Variants in PYGB observed in about 807,000 individuals in gnomAD.
PYGB encodes the protein glycogen phosphorylase, brain form.
In PYGB, 82 loss-of-function variants were observed where a neutral mutation model predicts 94.3. That is an observed-to-expected ratio of 0.87 (90% CI 0.73 to 1.04). The LOEUF is 1.04. Among genes scored for constraint, PYGB ranks in the 50% least tolerant of loss-of-function variants. The pLI is 0.00. For missense variants in PYGB, 1,132 were observed against 1,158.2 expected (o/e 0.98, Z 0.33); for synonymous variants, 488 against 479.1 (o/e 1.02, Z -0.24).
At chr20:25,259,613 C>G (rs566262020) in intron 2 of PYGB, among the ~76,000 whole-genome samples, 1 of 152,288 alleles carries the variant, frequency 6.6e-6, no homozygotes, top group African/African-American at 2.4e-5. Flanking sequence ...CACCCCACCC[C>G]ACCTCCGGGG....
In PYGB at chr20:25,254,791, G is replaced by A. The variant is rs112961129; in HGVS notation, c.244-4446G>A. Among the ~76,000 whole-genome samples, 559 of 152,316 alleles carry A rather than the reference G, an allele frequency of 3.7e-3. 5 individuals carry two copies. The highest frequency in any genetic ancestry group is 0.01 in the Middle Eastern group (3 of 294). On this transcript the variant is annotated intron_variant, in intron 1 of 19. Coordinates refer to ENST00000216962, the MANE Select transcript of PYGB (RefSeq NM_002862.4). Reference sequence around the variant, plus strand: ...CGCTTTCTGGCTCTGGATTAGTACTGAATAGACTTTTTGTGGAGCTTAATT... The same window carrying A: ...CGCTTTCTGGCTCTGGATTAGTACTAAATAGACTTTTTGTGGAGCTTAATT...
chr20:25,259,130 A>C (rs1419725965), intron 1 of PYGB, 107 bp from the exon 2 acceptor site: 2 of 1,017,442 alleles, frequency 2.0e-6, no homozygotes, highest in African/African-American at 3.2e-5. Context: ...GGTTGACATA[A>C]ATGAAATCCC....
Position 25,290,403 on chromosome 20 carries a change from G to A in PYGB, c.1828-78G>A. The A allele has an allele frequency of 1.9e-6, 3 of 1,544,642 alleles. No individual in the cohort carries two copies. The South Asian group carries it at 3.4e-5, about 18-fold the overall frequency. On this transcript the variant is annotated intron_variant, in intron 15 of 19. Transcript: ENST00000216962. The stretch of plus-strand genomic sequence containing the variant: ...GTGGCTCTAGCCTCACCCCCCTACA[G>A]ACCCCAGGAACCAGGAGCGCCTCCA...
rs899903659 is a variant in PYGB, at chr20:25,279,957, G to A, written c.1093-309G>A. On this transcript the variant is annotated intron_variant, in intron 9 of 19. Coordinates refer to ENST00000216962, the MANE Select transcript of PYGB (RefSeq NM_002862.4). Reference sequence around the variant, plus strand: ...TAGAAAACTGCTCAATGGTCTGTCCGTTTACCAGTGACGGCAGAGTGTGAA... The same window carrying A: ...TAGAAAACTGCTCAATGGTCTGTCCATTTACCAGTGACGGCAGAGTGTGAA... Among the ~76,000 whole-genome samples the A allele has an allele frequency of 8.5e-5, 13 of 152,338 alleles. No homozygotes were observed. In the East Asian group the frequency reaches 1.2e-3, roughly 14 times the overall value.
chr20:25,255,023 C>T (rs532757162), intron 1 of PYGB, among the ~76,000 whole-genome samples: 1 of 152,208 alleles, frequency 6.6e-6, no homozygotes, highest in African/African-American at 2.4e-5. Context: ...CCACGATCCA[C>T]GTTGAGAAGC....
chr20:25,261,681 C>T (rs758351018), intron 2 of PYGB, among the ~76,000 whole-genome samples: 1 of 152,114 alleles, frequency 6.6e-6, no homozygotes, highest in Non-Finnish European at 1.5e-5. Flanking sequence ...CAAACTTCTC[C>T]GAGCTAAAGG....
At chr20:25,291,375 C>T (rs1009920365) in intron 16 of PYGB, among the ~76,000 whole-genome samples, 1 of 151,906 alleles carries the variant, frequency 6.6e-6, no homozygotes, top group Non-Finnish European at 1.5e-5. Context: ...CTCCTGCCGC[C>T]GAGGGCCAAG....
At position 25,274,724 on chromosome 20, in the gene PYGB, G is replaced by T. The variant is rs1249577182; in HGVS notation, c.660+1G>T. 1.2e-6 allele frequency: 2 copies of T among 1,611,908 alleles called. No homozygotes were observed. The highest frequency in any genetic ancestry group is 1.1e-5 in the South Asian group (1 of 90,996). ...CGGCGTGAAGTGGCTGGACACACAG[G>T]TACCTGGGCTGAAATGTCTGCGGGC... On this transcript the variant is annotated splice_donor_variant, in intron 5 of 19. Transcript: ENST00000216962. LOFTEE classifies it high-confidence loss of function.
intron 2 of PYGB, among the ~76,000 whole-genome samples, chr20:25,262,972 C>G: frequency 6.6e-6 from 1 of 152,134 alleles, no homozygotes; most frequent in East Asian, 1.9e-4. Context: ...AAAGCAAGTC[C>G]TTAGAGACCT....
chr20:25,294,662 G>A lies in PYGB; in HGVS notation c.2312+370G>A. On this transcript the variant is annotated intron_variant, in intron 18 of 19. Coordinates refer to ENST00000216962, the MANE Select transcript of PYGB (RefSeq NM_002862.4). ...AAAACTCCCTGGGGTGGGGTAGGGGGCGCACAAGGGCTGCGGAACCGCGGC... is the reference window on the plus strand; with the variant it reads ...AAAACTCCCTGGGGTGGGGTAGGGGACGCACAAGGGCTGCGGAACCGCGGC... The A allele has an allele frequency of 5.3e-6, 3 of 569,016 alleles. No individual in the cohort carries two copies. The South Asian group carries it at 5.8e-5, about 11-fold the overall frequency. The allele number at this position is 569,016 out of a possible 1,614,324, so 35.2% of individuals were successfully genotyped here.
intron 4 of PYGB, 94 bp from the exon 5 acceptor site, chr20:25,274,498 T>C (rs73101785): frequency 4.9e-5 from 73 of 1,482,608 alleles, no homozygotes; most frequent in Non-Finnish European, 6.5e-5. Flanking sequence ...CCAGGCACTG[T>C]GTGATCTCGA....
intron 15 of PYGB, 128 bp downstream of exon 15, chr20:25,288,611 C>T: frequency 9.1e-7 from 1 of 1,097,086 alleles, no homozygotes; most frequent in Non-Finnish European, 1.3e-6. Flanking sequence ...GTCACCGGCC[C>T]CTCTGGTATG....
chr20:25,289,688 G>A (rs969326094), intron 15 of PYGB, among the ~76,000 whole-genome samples: 2 of 152,068 alleles, frequency 1.3e-5, no homozygotes, highest in African/African-American at 2.4e-5. Context: ...TGAACCTGGA[G>A]AAAAGCAGGA....
chr20:25,278,993 C>A, intron 8 of PYGB, 64 bp from the exon 9 acceptor site: 1 of 1,500,646 alleles, frequency 6.7e-7, no homozygotes, highest in Admixed American at 1.9e-5. Context: ...GCTTCGTATG[C>A]CAACAACCGT....
chr20:25,258,672 G>C (rs779703081), intron 1 of PYGB, among the ~76,000 whole-genome samples: 2 of 152,240 alleles, frequency 1.3e-5, no homozygotes, highest in Non-Finnish European at 2.9e-5. Flanking sequence ...TGGCTCATGT[G>C]GCAACCCCAA....
At chr20:25,294,096 T>A in intron 17 of PYGB, 62 bp from the exon 18 acceptor site, 2 of 1,588,592 alleles carry the variant, frequency 1.3e-6, no homozygotes, top group South Asian at 1.1e-5. Context: ...CCAACATGGC[T>A]TGTTCTCCAA....
In PYGB at chr20:25,276,703, A is replaced by G; in HGVS notation, c.718A>G (p.Asn240Asp). The change falls in exon 6 of 20, where the codon AAC becomes GAC. Residue 240 changes from asparagine (N) to aspartate (D), a missense_variant. Asn to Asp is a conservative substitution (Grantham distance 23). Transcript: ENST00000216962. ...GCCCGGCTACAAGAACAACACCGTC[A>G]ACACCATGCGGCTGTGGTCCGCCAA... ...PVPGYKNNTV[N>D]TMRLWSAKAP... 1 of 1,614,018 alleles carries G rather than the reference A, an allele frequency of 6.2e-7. No individual in the cohort carries two copies. Among genetic ancestry groups the G allele is most frequent in the Non-Finnish European group, 8.5e-7 (1 of 1,179,916 alleles).
chr20:25,272,753 G>C (rs1418565192), intron 4 of PYGB, among the ~76,000 whole-genome samples: 1 of 152,130 alleles, frequency 6.6e-6, no homozygotes, highest in Non-Finnish European at 1.5e-5. Flanking sequence ...CCAGCCCTCC[G>C]CGTGCCTGAG....
chr20:25,295,392 T>C (rs1022071034), intron 18 of PYGB, among the ~76,000 whole-genome samples: 3 of 152,268 alleles, frequency 2.0e-5, no homozygotes, highest in Non-Finnish European at 4.4e-5. Flanking sequence ...TTCTAAAATA[T>C]TGTCCCAGGA....
Sources: gnomAD v4.1 joint callset for allele counts (sites outside exome capture counted in the v4.1 genomes callset) on GRCh38, gnomAD v4.1.1 for gene constraint, MANE v1.5 for transcripts, NCBI Gene and HGNC (gene_info 2026-07-23, HGNC 2026-07-21) for gene names.